Variants in PTPRF observed in about 807,000 individuals in gnomAD.
PTPRF encodes receptor-type tyrosine-protein phosphatase F.
PTPRF carries 59 observed loss-of-function variants against 201.8 expected under a neutral mutation model. That is an observed-to-expected ratio of 0.29 (90% CI 0.24 to 0.36). The LOEUF (loss-of-function observed/expected upper bound fraction) is 0.36. Ranked by LOEUF, PTPRF falls within the 10% of genes least tolerant of loss-of-function variation. The pLI is 1.00. For synonymous variants in PTPRF, 1,088 were observed against 1,089.7 expected (o/e 1.00, Z 0.03); for missense variants, 2,132 against 2,690.5 (o/e 0.79, Z 4.59).
At chr1:43,558,081 G>A (rs1249468296) in intron 5 of PTPRF, among the ~76,000 whole-genome samples, 2 of 152,168 alleles carry the variant, frequency 1.3e-5, no homozygotes, top group Non-Finnish European at 2.9e-5. Context: ...CTGGGGTGGG[G>A]CCGGCAGGAG....
Sources: gnomAD v4.1 joint callset for allele counts (sites outside exome capture counted in the v4.1 genomes callset) on GRCh38, gnomAD v4.1.1 for gene constraint, MANE v1.5 for transcripts, NCBI Gene and HGNC (gene_info 2026-07-23, HGNC 2026-07-21) for gene names.